The following JAK1 variants were observed in gnomAD, a reference collection of about 807,000 sequenced individuals.
The protein encoded by JAK1 is Janus kinase 1.
Under a neutral mutation model 136.6 loss-of-function variants are expected in JAK1, and 16 were observed. The ratio of observed to expected loss-of-function variants is 0.12; its 90% CI spans 0.08 to 0.18. The LOEUF (loss-of-function observed/expected upper bound fraction) is 0.18. JAK1 is among the 10% of genes least tolerant of loss of function. JAK1 has a pLI of 1.00. For missense variants in JAK1, 859 were observed against 1,450.1 expected, an observed-to-expected ratio of 0.59 and a Z score of 6.62; for synonymous variants, 492 against 519.5, an observed-to-expected ratio of 0.95 and a Z score of 0.72.
Position 64,844,263 on chromosome 1 carries a change from G to A in JAK1, c.2252-48C>T. ...ATGGAGCAGTTTCTGGGATCTCCTA[G>A]GGATTCAATTACTGTCACTGCAGCC... On this transcript the variant is annotated intron_variant, in intron 16 of 24. Transcript: ENST00000342505. The surrounding 1 kb of genome is among the most constrained non-coding windows in gnomAD (Gnocchi z 5.7). 6.2e-7 allele frequency: 1 copy of A among 1,608,832 alleles called. No homozygotes were observed. Among genetic ancestry groups the A allele is most frequent in the African/African-American group, 1.3e-5 (1 of 74,922 alleles).
At chr1:64,885,583 T>C (rs958059380) in intron 2 of JAK1, among the ~76,000 whole-genome samples, 1 of 151,868 alleles carries the variant, frequency 6.6e-6, no homozygotes, top group Admixed American at 6.6e-5. Flanking sequence ...GAAACCCCTG[T>C]CTCCACTAAA....
At chr1:64,883,149 G>T in intron 3 of JAK1, 128 bp downstream of exon 3, 1 of 685,168 alleles carries the variant, frequency 1.5e-6, no homozygotes, top group Non-Finnish European at 2.4e-6. Context: ...GGCAGAGGCA[G>T]GGAGGAACCT....
In JAK1 at chr1:64,857,743, T is replaced by A. The variant is rs922466689; in HGVS notation, c.1371A>T (p.Gly457=). The change falls in exon 10 of 25, where the codon GGA becomes GGT. Residue 457 remains glycine, a synonymous_variant. Coordinates refer to ENST00000342505, the MANE Select transcript of JAK1 (RefSeq NM_002227.4). ...TCAGCACGTACATCCCCTCCTCGCT[T>A]CCTTCTTGCCGCAATTTATTGATGG... ...EYAINKLRQE[G]SEEGMYVLRW... is the part of the protein sequence containing the mutation. 20 of 1,614,054 alleles carry A rather than the reference T, an allele frequency of 1.2e-5. No individual in the cohort carries two copies. The highest frequency in any genetic ancestry group is 1.5e-5 in the Non-Finnish European group (18 of 1,180,036).
intron 2 of JAK1, among the ~76,000 whole-genome samples, chr1:65,032,670 TG>T (rs1409308677): frequency 6.6e-6 from 1 of 152,210 alleles, no homozygotes; most frequent in East Asian, 1.9e-4. Context: ...GAGAAATCAG[TG>T]GGTATCTATT....
At chr1:64,856,878 C>T (rs947296117) in intron 10 of JAK1, among the ~76,000 whole-genome samples, 1 of 152,188 alleles carries the variant, frequency 6.6e-6, no homozygotes, top group South Asian at 2.1e-4. Flanking sequence ...GTCTACCCTC[C>T]GTGCCAAAGG....
chr1:65,011,474 C>A (rs1646848498), intron 2 of JAK1, among the ~76,000 whole-genome samples: 1 of 151,910 alleles, frequency 6.6e-6, no homozygotes, highest in Non-Finnish European at 1.5e-5. Flanking sequence ...CAAACAACAA[C>A]CAACAAAAAA....
intron 1 of JAK1, among the ~76,000 whole-genome samples, chr1:64,912,076 A>C (rs1645294465): frequency 6.6e-6 from 1 of 152,226 alleles, no homozygotes; most frequent in African/African-American, 2.4e-5. Context: ...TGGTCACTCC[A>C]TCGAGTAATT....
At chr1:64,848,819 C>T (rs1226143493) in intron 12 of JAK1, among the ~76,000 whole-genome samples, 2 of 152,112 alleles carry the variant, frequency 1.3e-5, no homozygotes, top group African/African-American at 4.8e-5. Flanking sequence ...TCAGTCTTAT[C>T]CCCCATAGGA....
At chr1:65,028,184 G>A (rs1046563851) in intron 2 of JAK1, among the ~76,000 whole-genome samples, 4 of 151,942 alleles carry the variant, frequency 2.6e-5, no homozygotes, top group African/African-American at 9.7e-5. Context: ...ATCTCCTTGA[G>A]GTCTCTGCTC....
chr1:64,873,691 G>A (rs895095135), intron 4 of JAK1, among the ~76,000 whole-genome samples, 168 bp from the exon 5 acceptor site: 2 of 152,120 alleles, frequency 1.3e-5, no homozygotes, highest in African/African-American at 4.8e-5. Flanking sequence ...TCTTACTAGC[G>A]CTGCGTGAGA....
At chr1:64,859,600 C>A (rs1180038472) in intron 9 of JAK1, 2 of 152,248 alleles carry the variant, frequency 1.3e-5, no homozygotes, top group African/African-American at 4.8e-5. Context: ...ATTTATTACA[C>A]TGTCTGATGC....
chr1:64,953,847 G>C (rs1172011748), intron 1 of JAK1, among the ~76,000 whole-genome samples: 1 of 151,702 alleles, frequency 6.6e-6, no homozygotes, highest in East Asian at 1.9e-4. Flanking sequence ...TCTTTTTTTC[G>C]TATTTTTAGA....
upstream of JAK1, among the ~76,000 whole-genome samples, chr1:64,969,329 T>G (rs1486041117): frequency 6.6e-6 from 1 of 151,948 alleles, no homozygotes; most frequent in Admixed American, 6.6e-5. Flanking sequence ...TCCTGTGCAT[T>G]GTAGGATGTT....
intron 1 of JAK1, among the ~76,000 whole-genome samples, chr1:64,898,478 T>C (rs867667071): frequency 2.6e-5 from 4 of 152,336 alleles, no homozygotes; most frequent in Middle Eastern, 3.4e-3. Flanking sequence ...AAGGCACCTA[T>C]GTTTCCAGGG....
intron 1 of JAK1, among the ~76,000 whole-genome samples, chr1:64,957,636 C>T (rs542688307): frequency 6.6e-6 from 1 of 151,536 alleles, no homozygotes; most frequent in South Asian, 2.1e-4. Context: ...CGGTGAAACC[C>T]CGTCTCTACT....
intron 2 of JAK1, chr1:64,972,645 C>T (rs1266200309): frequency 1.3e-5 from 2 of 152,218 alleles, no homozygotes; most frequent in African/African-American, 2.4e-5. Flanking sequence ...AAAAATTAGC[C>T]AGGTGTGGTG....
intron 1 of JAK1, among the ~76,000 whole-genome samples, chr1:65,050,360 A>G (rs1345049245): frequency 1.3e-5 from 2 of 152,222 alleles, no homozygotes; most frequent in African/African-American, 4.8e-5. Flanking sequence ...CCTAGGCAGG[A>G]TGTCAGGAAA....
chr1:64,923,055 T>C (rs1645523216), intron 1 of JAK1, among the ~76,000 whole-genome samples: 1 of 152,214 alleles, frequency 6.6e-6, no homozygotes, highest in African/African-American at 2.4e-5. Context: ...TGGATAATAA[T>C]AACTTGGAAA....
chr1:64,905,924 C>T (rs778543569), intron 1 of JAK1, among the ~76,000 whole-genome samples: 4 of 152,140 alleles, frequency 2.6e-5, no homozygotes, highest in Non-Finnish European at 5.9e-5. Context: ...AGGACTCAGG[C>T]CTCAATCTTC....
Sources: gnomAD v4.1 joint callset for allele counts (sites outside exome capture counted in the v4.1 genomes callset) on GRCh38, gnomAD v4.1.1 for gene constraint, Gnocchi (gnomAD v3.1) non-coding constraint, MANE v1.5 for transcripts, NCBI Gene and HGNC (gene_info 2026-07-23, HGNC 2026-07-21) for gene names.